The following EXOC3 variants were observed in gnomAD, a reference collection of about 807,000 sequenced individuals.
The protein encoded by EXOC3 is exocyst complex component 3, also known as SEC6-like 1.
In EXOC3, 21 loss-of-function variants were observed where a neutral mutation model predicts 73.7. The ratio of observed to expected loss-of-function variants is 0.29; its 90% CI spans 0.20 to 0.41. The LOEUF (loss-of-function observed/expected upper bound fraction) is 0.41. EXOC3 is among the 10% of genes least tolerant of loss of function. The probability of loss-of-function intolerance (pLI) is 1.00; values close to 1 mark genes in which losing one functional copy is unlikely to be tolerated. For missense variants in EXOC3, 842 were observed against 985.1 expected (o/e 0.85, Z 1.95); for synonymous variants, 410 against 389.1 (o/e 1.05, Z -0.63).
Position 459,418 on chromosome 5 carries a change from A to T in EXOC3, c.1350A>T (p.Val450=). 6.4e-7 allele frequency: 1 copy of T among 1,573,428 alleles called. No individual in the cohort carries two copies. The highest frequency in any genetic ancestry group is 8.7e-7 in the Non-Finnish European group (1 of 1,155,060). Residue 450 remains valine (V), a synonymous_variant, in exon 7 of 13, where the codon GTA becomes GTT. Coordinates refer to ENST00000512944, the MANE Select transcript of EXOC3 (RefSeq NM_007277.5). ...TAAGTGAAGATTTGAAAACAAAGGT[A>T]CTAGTTTTATGTCTTCAGCAGATGA... ...AQISEDLKTK[V]LVLCLQQMNS... is the part of the protein sequence containing the mutation.
chr5:458,222 A>G (rs1737879576), intron 6 of EXOC3, among the ~76,000 whole-genome samples, 197 bp downstream of exon 6: 1 of 152,210 alleles, frequency 6.6e-6, no homozygotes, highest in Non-Finnish European at 1.5e-5. Context: ...CTGGGATGAT[A>G]CTTACCAAAT....
Position 447,768 on chromosome 5 carries a change from C to T in EXOC3, c.364+16C>T, listed in dbSNP as rs772007635. 48 of 1,510,948 alleles carry T rather than the reference C, an allele frequency of 3.2e-5. No individual in the cohort carries two copies. The highest frequency in any genetic ancestry group is 2.8e-4 in the African/African-American group (20 of 72,380). 93.6% of individuals were successfully genotyped at this position (1,510,948 alleles called of 1,614,324 possible). ...ATCTTCTCAGGTACCAGCCAGACGC[C>T]GAGGCACTTGCCCCCACTCACGCTG... On this transcript the variant is annotated intron_variant, in intron 3 of 12. Coordinates refer to ENST00000512944, the MANE Select transcript of EXOC3 (RefSeq NM_007277.5).
At chr5:459,236 T>C (rs1013078086) in intron 6 of EXOC3, 123 bp from the exon 7 acceptor site, 26 of 385,714 alleles carry the variant, frequency 6.7e-5, no homozygotes, top group Non-Finnish European at 1.1e-4. Context: ...ATTTTTTTTT[T>C]CTCTGAATTT....
intron 12 of EXOC3, chr5:466,046 G>A (rs1482246708): frequency 4.1e-6 from 2 of 490,112 alleles, no homozygotes; most frequent in Non-Finnish European, 7.3e-6. Flanking sequence ...CTGGGCTACA[G>A]TGTGGGTGGG....
Position 467,200 on chromosome 5 carries a change from C to T in EXOC3, c.*302C>T. 1 of 362,576 alleles carries T rather than the reference C, an allele frequency of 2.8e-6. No homozygotes were observed. Among genetic ancestry groups the T allele is most frequent in the Non-Finnish European group, 5.0e-6 (1 of 199,576 alleles). 22.5% of individuals were successfully genotyped at this position (362,576 alleles called of 1,614,324 possible). A position where few individuals can be genotyped will look rare whatever the true frequency, so the allele number is the denominator to read the frequency against. On this transcript the variant is annotated 3_prime_UTR_variant, in exon 13 of 13. Coordinates refer to ENST00000512944, the MANE Select transcript of EXOC3 (RefSeq NM_007277.5). The stretch of plus-strand genomic sequence containing the variant: ...CACAGAGGACGTGCACCTCCCTGCC[C>T]TCCTCCTCCCTGGGCCTTCACCGCA...
rs1422197083 is a variant in EXOC3 at position 443,231 on chromosome 5, GC to G, written c.-115del. On this transcript the variant is annotated 5_prime_UTR_variant, in exon 1 of 13. Transcript: ENST00000512944. ...AGCGAAGGCGGAGGGGGCGGCGGGG[GC>G]GGCGGCGGCGGCGGCGGCGGCGGCG... 1 of 1,984 alleles carries G rather than the reference GC, an allele frequency of 5.0e-4. No homozygotes were observed. The allele number at this position is 1,984 out of a possible 1,614,324, so 0.1% of individuals were successfully genotyped here. A position where few individuals can be genotyped will look rare whatever the true frequency, so the allele number is the denominator to read the frequency against.
intron 7 of EXOC3, chr5:459,701 G>A (rs925012719): frequency 1.9e-5 from 6 of 314,034 alleles, no homozygotes; most frequent in East Asian, 5.3e-5. Flanking sequence ...CGTCCTTAGC[G>A]ATGCGCCGGA....
intron 1 of EXOC3, among the ~76,000 whole-genome samples, chr5:445,536 A>G (rs1737482612): frequency 6.6e-6 from 1 of 151,994 alleles, no homozygotes; most frequent in Admixed American, 6.6e-5. Flanking sequence ...GTGTATTTTT[A>G]GTAGATACAG....
At chr5:465,868 T>C in intron 12 of EXOC3, 23 bp downstream of exon 12, 4 of 1,597,960 alleles carry the variant, frequency 2.5e-6, no homozygotes, top group Non-Finnish European at 3.4e-6. Context: ...CGTCTTAGAA[T>C]CCTGCCTTAG....
chr5:466,276 G>C (rs1738148356), intron 12 of EXOC3: 1 of 243,628 alleles, frequency 4.1e-6, no homozygotes, highest in South Asian at 6.8e-5. Context: ...CCAGTACCAG[G>C]TCCAGGGAAG....
chr5:466,116 C>T, intron 12 of EXOC3: 1 of 363,874 alleles, frequency 2.7e-6, no homozygotes. Context: ...GCTGTGACAG[C>T]TCTGCTGTGT....
At position 453,778 on chromosome 5, in the gene EXOC3, C is replaced by T. The variant is rs1258153501; in HGVS notation, c.773C>T (p.Thr258Ile). Residue 258 changes from threonine (T) to isoleucine (I), a missense_variant, in exon 4 of 13, where the codon ACC becomes ATC. Thr to Ile is a moderately conservative substitution (Grantham distance 89). Coordinates refer to ENST00000512944, the MANE Select transcript of EXOC3 (RefSeq NM_007277.5). ...MFTILERTVTTRIEGTQADTR... is the reference protein window; with the variant it reads ...MFTILERTVTIRIEGTQADTR... ...ACCATCTTGGAGAGGACTGTGACCA[C>T]CAGAATTGAGGGCACACAGGCAGAT... The T allele has an allele frequency of 6.2e-7, 1 of 1,613,922 alleles. No individual in the cohort carries two copies. The highest frequency in any genetic ancestry group is 1.1e-5 in the South Asian group (1 of 91,078).
chr5:444,872 G>T (rs1439819089), intron 1 of EXOC3: 5 of 152,218 alleles, frequency 3.3e-5, no homozygotes, highest in Non-Finnish European at 5.9e-5. Flanking sequence ...GCCCATAGAT[G>T]ATGGGATTTA....
In EXOC3 at chr5:456,992, A is replaced by G. The variant is rs1737838154; in HGVS notation, c.1150A>G (p.Met384Val). Residue 384 changes from methionine to valine, a missense_variant, in exon 5 of 13, where the codon ATG becomes GTG. Coordinates refer to ENST00000512944, the MANE Select transcript of EXOC3 (RefSeq NM_007277.5). ...HVVSELLDTYMSTLTSNIIAW... is the reference protein window; with the variant it reads ...HVVSELLDTYVSTLTSNIIAW... Reference sequence around the variant, plus strand: ...GGTCTCTGAGCTGCTTGACACGTACATGTCCACGCTCACTGTGAGTAGGGC... The same window carrying G: ...GGTCTCTGAGCTGCTTGACACGTACGTGTCCACGCTCACTGTGAGTAGGGC... The G allele has an allele frequency of 6.2e-7, 1 of 1,612,916 alleles. No homozygotes were observed. Among genetic ancestry groups the G allele is most frequent in the Non-Finnish European group, 8.5e-7 (1 of 1,178,972 alleles).
chr5:462,247 A>G lies in EXOC3; in HGVS notation c.1593A>G (p.Leu531=), dbSNP rs987621686. Residue 531 remains leucine (L), a synonymous_variant, in exon 9 of 13, where the codon TTA becomes TTG. Coordinates refer to ENST00000512944, the MANE Select transcript of EXOC3 (RefSeq NM_007277.5). ...SPSQPSMDGI[L]DAIAKEGCSG... is the part of the protein sequence containing the mutation. The stretch of plus-strand genomic sequence containing the variant: ...GCCAGCCCAGCATGGACGGGATTTT[A>G]GACGCCATCGCGAAGGAGGGCTGCA... 1.9e-6 allele frequency: 3 copies of G among 1,614,000 alleles called. No individual in the cohort carries two copies. The highest frequency in any genetic ancestry group is 2.5e-6 in the Non-Finnish European group (3 of 1,179,908).
intron 12 of EXOC3, chr5:466,049 T>G: frequency 5.9e-6 from 2 of 336,956 alleles, no homozygotes; most frequent in Non-Finnish European, 1.1e-5. Context: ...GGCTACAGTG[T>G]GGGTGGGTGG....
At chr5:446,893 CCTGAAAGTGT>C (rs1737524757) in intron 2 of EXOC3, 1 of 156,450 alleles carries the variant, frequency 6.4e-6, no homozygotes, top group Non-Finnish European at 1.4e-5. Flanking sequence ...AAAACAACAC[CCTGAAAGTGT>C]CTATTAAGTT....
chr5:448,176 C>G (rs72717436), intron 3 of EXOC3, among the ~76,000 whole-genome samples: 1 of 152,108 alleles, frequency 6.6e-6, no homozygotes, highest in Non-Finnish European at 1.5e-5. Flanking sequence ...TTGAGGCGAG[C>G]AGCAGCTCCC....
intron 9 of EXOC3, among the ~76,000 whole-genome samples, chr5:464,074 C>T (rs916018974): frequency 9.9e-5 from 15 of 152,020 alleles, no homozygotes; most frequent in Non-Finnish European, 1.6e-4. Flanking sequence ...CCCTCCCACA[C>T]GCACTCAGTG....
Sources: gnomAD v4.1 joint callset for allele counts (sites outside exome capture counted in the v4.1 genomes callset) on GRCh38, gnomAD v4.1.1 for gene constraint, MANE v1.5 for transcripts, NCBI Gene and HGNC (gene_info 2026-07-23, HGNC 2026-07-21) for gene names.